Variants in MYO18A observed in about 807,000 individuals in gnomAD.
MYO18A encodes the protein myosin XVIIIA.
Under a neutral mutation model 235.8 loss-of-function variants are expected in MYO18A, and 78 were observed. The ratio of observed to expected loss-of-function variants is 0.33; its 90% confidence interval spans 0.28 to 0.40. The LOEUF (loss-of-function observed/expected upper bound fraction) is 0.40. Among genes scored for constraint, MYO18A ranks in the 10% least tolerant of loss-of-function variants. The pLI is 1.00. For synonymous variants in MYO18A, 977 were observed against 1,077.8 expected (o/e 0.91, Z 1.83); for missense variants, 2,215 against 2,699.3 (o/e 0.82, Z 3.98).
In MYO18A at chr17:29,121,908, A is replaced by G. The variant is rs766043761; in HGVS notation, c.1137T>C (p.Arg379=). ...EELNLPEGKV[R]VKLDHDGAIL... The stretch of plus-strand genomic sequence containing the variant: ...TGGCCCCATCGTGGTCCAGCTTCAC[A>G]CGCACCTTCCCCTCAGGCAAGTTGA... The change falls in exon 4 of 42, where the codon CGT becomes CGC. Residue 379 remains arginine, a synonymous_variant. Transcript: ENST00000527372. The surrounding 1 kb of genome is among the most constrained non-coding windows in gnomAD (Gnocchi z 4.2). 12 of 1,613,566 alleles carry G rather than the reference A, an allele frequency of 7.4e-6. No individual in the cohort carries two copies. The highest frequency in any genetic ancestry group is 1.6e-4 in the Middle Eastern group (1 of 6,082).
chr17:29,124,696 C>CA, intron 2 of MYO18A: 1 of 1,283,412 alleles, frequency 7.8e-7, no homozygotes, highest in Non-Finnish European at 1.0e-6. Flanking sequence ...CAGCTACCGA[C>CA]AGCAAGCAAA....
intron 1 of MYO18A, among the ~76,000 whole-genome samples, chr17:29,173,878 C>A (rs574781795): frequency 6.6e-6 from 1 of 152,212 alleles, no homozygotes; most frequent in East Asian, 1.9e-4. Context: ...CTCAAGTGAT[C>A]CTCCTGTCTT....
intron 20 of MYO18A, 23 bp downstream of exon 20, chr17:29,107,057 G>C (rs754459681): frequency 6.2e-7 from 1 of 1,606,248 alleles, no homozygotes; most frequent in Non-Finnish European, 8.5e-7. Flanking sequence ...CAGAGGGAGA[G>C]CGGTCTGGGG....
intron 1 of MYO18A, among the ~76,000 whole-genome samples, chr17:29,174,243 G>A (rs1411503452): frequency 6.6e-6 from 1 of 152,176 alleles, no homozygotes. Flanking sequence ...CAGCGGCTCA[G>A]GCCTCTAATT....
At chr17:29,173,769 GAAA>G (rs544963663) in intron 1 of MYO18A, among the ~76,000 whole-genome samples, 1 of 146,484 alleles carries the variant, frequency 6.8e-6, no homozygotes, top group African/African-American at 2.5e-5. Flanking sequence ...TGGTATCTGT[GAAA>G]AAAAAAAATT....
chr17:29,114,454 C>T (rs1568079988), intron 14 of MYO18A, among the ~76,000 whole-genome samples: 1 of 152,218 alleles, frequency 6.6e-6, no homozygotes, highest in Admixed American at 6.5e-5. Flanking sequence ...AAATAAATAT[C>T]CTGACAATTC....
chr17:29,098,588 C>T lies in MYO18A; in HGVS notation c.3781-143G>A, dbSNP rs542828811. ...AGGCATGTCCCCAATAGCAGAGCCA[C>T]TGCCTCCTGGGGATCCTGTCCCTAG... On this transcript the variant is annotated intron_variant, in intron 23 of 41. Transcript: ENST00000527372. 11 of 1,099,926 alleles carry T rather than the reference C, an allele frequency of 1.0e-5. No individual in the cohort carries two copies. The South Asian group carries it at 1.0e-4, about 10-fold the overall frequency. The allele number at this position is 1,099,926 out of a possible 1,614,324, so 68.1% of individuals were successfully genotyped here. A position where few individuals can be genotyped will look rare whatever the true frequency, so the allele number is the denominator to read the frequency against.
chr17:29,088,052 CTTTTTTTTTTT>C (rs1040172315), intron 37 of MYO18A, among the ~76,000 whole-genome samples: 11 of 124,626 alleles, frequency 8.8e-5, no homozygotes, highest in African/African-American at 3.0e-4. Flanking sequence ...AAAATAAATT[CTTTTTTTTTTT>C]TTTTTTTTTT....
rs755214579 is a variant in MYO18A at position 29,120,708 on chromosome 17, G to A, written c.1636C>T (p.Pro546Ser). Reference protein sequence around the residue: ...YTLLEAFGNSPTIINGNATRF... With the variant: ...YTLLEAFGNSSTIINGNATRF... Reference sequence around the variant, plus strand: ...GTGGCATTGCCATTAATGATGGTGGGGCTGTTCCCAAAGGCTTCCAGGAGG... The same window carrying A: ...GTGGCATTGCCATTAATGATGGTGGAGCTGTTCCCAAAGGCTTCCAGGAGG... Residue 546 changes from proline to serine, a missense_variant, in exon 7 of 42, where the codon CCC becomes TCC. Physicochemically the swap from Pro to Ser is moderately conservative, Grantham distance 74. Transcript: ENST00000527372. The surrounding 1 kb of genome is among the most constrained non-coding windows in gnomAD (Gnocchi z 4.2). 3.7e-6 allele frequency: 6 copies of A among 1,613,850 alleles called. No homozygotes were observed. The African/African-American group carries it at 4.0e-5, about 11-fold the overall frequency.
chr17:29,075,366 TAA>T (rs2065949847), intron 41 of MYO18A: 1 of 169,954 alleles, frequency 5.9e-6, no homozygotes, highest in Non-Finnish European at 1.4e-5. Context: ...GAGTGATTCC[TAA>T]AAAGATTCCT....
intron 2 of MYO18A, 87 bp downstream of exon 2, chr17:29,165,855 C>G: frequency 7.8e-7 from 1 of 1,283,282 alleles, no homozygotes; most frequent in Non-Finnish European, 1.1e-6. Flanking sequence ...CTGATAACAG[C>G]TCTTGGGTAC....
chr17:29,089,651 A>C (rs2066347651), intron 37 of MYO18A, among the ~76,000 whole-genome samples: 1 of 152,162 alleles, frequency 6.6e-6, no homozygotes, highest in Non-Finnish European at 1.5e-5. Context: ...CTGCCAGAGA[A>C]CCGGTTGAGG....
Position 29,096,536 on chromosome 17 carries a change from C to T in MYO18A, c.4385+225G>A, listed in dbSNP as rs182725970. ...TGACAGGCACATGATGCAGGGAGCACCTCTGAAAGCAGAGGCCTGGGCAGG... is the reference window on the plus strand; with the variant it reads ...TGACAGGCACATGATGCAGGGAGCATCTCTGAAAGCAGAGGCCTGGGCAGG... On this transcript the variant is annotated intron_variant, in intron 28 of 41. Transcript: ENST00000527372. Among the ~76,000 whole-genome samples the T allele has an allele frequency of 8.5e-5, 13 of 152,272 alleles. No homozygotes were observed. The East Asian group carries it at 2.5e-3, about 29-fold the overall frequency.
intron 19 of MYO18A, chr17:29,107,603 TA>T (rs35996808): frequency 0.4 from 40,764 of 102,732 alleles, 7,678 homozygotes; most frequent in East Asian, 0.78. Flanking sequence ...CTTATGGTCT[TA>T]AAAAAAAAAA....
chr17:29,163,169 G>A (rs2068210078), intron 2 of MYO18A, among the ~76,000 whole-genome samples: 3 of 152,342 alleles, frequency 2.0e-5, no homozygotes, highest in South Asian at 2.1e-4. Context: ...TGGAGGAGGC[G>A]GGAAGACTTC....
At chr17:29,085,063 A>G (rs2066219899) in intron 40 of MYO18A, among the ~76,000 whole-genome samples, 1 of 152,268 alleles carries the variant, frequency 6.6e-6, no homozygotes, top group Non-Finnish European at 1.5e-5. Context: ...CAAGCAGCCC[A>G]TGATTAGCTG....
chr17:29,119,689 G>T lies in MYO18A; in HGVS notation c.1729-254C>A, dbSNP rs1202732623. Reference sequence around the variant, plus strand: ...AGCAATTCTCCTGCCTTGGCCTCCTGAGTAGCTGGGATTACAGGCATGCAC... The same window carrying T: ...AGCAATTCTCCTGCCTTGGCCTCCTTAGTAGCTGGGATTACAGGCATGCAC... On this transcript the variant is annotated intron_variant, in intron 7 of 41. Transcript: ENST00000527372. Among the ~76,000 whole-genome samples, 7 of 151,248 alleles carry T rather than the reference G, an allele frequency of 4.6e-5. No individual in the cohort carries two copies. In the East Asian group the frequency reaches 1.4e-3, roughly 29 times the overall value.
At position 29,125,811 on chromosome 17, in the gene MYO18A, T is replaced by G; in HGVS notation, c.1000-3558A>C. 1 of 726,428 alleles carries G rather than the reference T, an allele frequency of 1.4e-6. No homozygotes were observed. The highest frequency in any genetic ancestry group is 1.7e-6 in the Non-Finnish European group (1 of 592,116). 45.0% of individuals were successfully genotyped at this position (726,428 alleles called of 1,614,324 possible). A position where few individuals can be genotyped will look rare whatever the true frequency, so the allele number is the denominator to read the frequency against. On this transcript the variant is annotated intron_variant, in intron 2 of 41. Transcript: ENST00000527372. This position sits in a 1 kb window ranked among gnomAD's most constrained non-coding sequence, Gnocchi z 5.1. ...GAGCCATCTTCATGGTCAGCGCGCC[T>G]ACAGACACACACAGGGTCCTGCCGC...
intron 34 of MYO18A, chr17:29,091,404 G>A (rs953530255): frequency 3.0e-6 from 1 of 335,028 alleles, no homozygotes; most frequent in African/African-American, 2.2e-5. Context: ...CCTTGGGGGA[G>A]GGGAAGAGAG....
Sources: allele counts gnomAD v4.1 joint callset (sites outside exome capture counted in the v4.1 genomes callset), GRCh38; gene constraint gnomAD v4.1.1; non-coding constraint Gnocchi (gnomAD v3.1); transcripts MANE v1.5; gene names NCBI Gene and HGNC (gene_info 2026-07-23, HGNC 2026-07-21).